Variants in PARD3B observed in about 807,000 individuals in gnomAD.
PARD3B encodes par-3 family cell polarity regulator beta, also known as partitioning defective 3 homolog B.
A neutral mutation model predicts 130.2 loss-of-function variants in PARD3B; 103 were observed. The observed-to-expected ratio is 0.79, with a 90% CI of 0.67 to 0.93. The LOEUF is 0.93. Among genes scored for constraint, PARD3B ranks in the 40% least tolerant of loss-of-function variants. The pLI is 0.00. For synonymous variants in PARD3B, 583 were observed against 553.2 expected, an observed-to-expected ratio of 1.05 and a Z score of -0.76; for missense variants, 1,609 against 1,499.2, an observed-to-expected ratio of 1.07 and a Z score of -1.21.
chr2:205,005,255 T>A (rs967931943), intron 3 of PARD3B, among the ~76,000 whole-genome samples: 1 of 151,466 alleles, frequency 6.6e-6, no homozygotes, highest in Non-Finnish European at 1.5e-5. Flanking sequence ...CAAGAGAAAA[T>A]AATATAAGTG....
intron 2 of PARD3B, among the ~76,000 whole-genome samples, chr2:204,852,742 TTTTAAGTG>T (rs1451010086): frequency 1.3e-5 from 2 of 152,174 alleles, no homozygotes; most frequent in Non-Finnish European, 2.9e-5. Flanking sequence ...AATTATTCCA[TTTTAAGTG>T]CTAACTTATT....
chr2:204,683,956 T>C (rs2036958380), intron 1 of PARD3B, among the ~76,000 whole-genome samples: 1 of 152,212 alleles, frequency 6.6e-6, no homozygotes, highest in African/African-American at 2.4e-5. Context: ...TTTTCCACAA[T>C]GTCTTGGATC....
chr2:204,735,067 A>C (rs1454850823), intron 2 of PARD3B, among the ~76,000 whole-genome samples: 1 of 145,488 alleles, frequency 6.9e-6, no homozygotes, highest in African/African-American at 2.8e-5. Context: ...CATTTTTAAA[A>C]TCGTTACAGT....
At chr2:205,353,633 GA>G (rs780760737) in intron 18 of PARD3B, among the ~76,000 whole-genome samples, 1 of 152,166 alleles carries the variant, frequency 6.6e-6, no homozygotes, top group South Asian at 2.1e-4. Context: ...TGATATGACT[GA>G]AACCTTTTGT....
At chr2:205,046,982 G>T (rs1698830287) in intron 3 of PARD3B, among the ~76,000 whole-genome samples, 1 of 152,174 alleles carries the variant, frequency 6.6e-6, no homozygotes, top group African/African-American at 2.4e-5. Flanking sequence ...AAATTAAAAA[G>T]AAATCAGGAT....
chr2:204,902,528 G>A (rs566905725), intron 2 of PARD3B, among the ~76,000 whole-genome samples: 1 of 152,006 alleles, frequency 6.6e-6, no homozygotes, highest in Admixed American at 6.6e-5. Context: ...CATTAGCCGG[G>A]CGTGGTGGCG....
intron 1 of PARD3B, among the ~76,000 whole-genome samples, chr2:204,621,628 T>C (rs1045520821): frequency 1.3e-5 from 2 of 152,224 alleles, no homozygotes; most frequent in Non-Finnish European, 1.5e-5. Context: ...TATTTAACTT[T>C]GTAGCTTTAT....
intron 2 of PARD3B, among the ~76,000 whole-genome samples, chr2:204,701,342 G>A (rs1192755540): frequency 6.6e-6 from 1 of 152,122 alleles, no homozygotes; most frequent in Non-Finnish European, 1.5e-5. Context: ...TATAAATACA[G>A]CATAGAATTC....
At chr2:205,026,586 A>G (rs568166392) in intron 3 of PARD3B, among the ~76,000 whole-genome samples, 2 of 152,090 alleles carry the variant, frequency 1.3e-5, no homozygotes, top group Non-Finnish European at 1.5e-5. Flanking sequence ...TAAACAACAC[A>G]GTATTATTAA....
intron 2 of PARD3B, among the ~76,000 whole-genome samples, chr2:204,961,702 T>C (rs1429201596): frequency 1.3e-5 from 2 of 152,126 alleles, no homozygotes; most frequent in African/African-American, 2.4e-5. Flanking sequence ...GAAAACTTGA[T>C]GGGGGCCCAG....
intron 20 of PARD3B, among the ~76,000 whole-genome samples, chr2:205,498,126 G>A (rs1413870124): frequency 6.6e-6 from 1 of 150,996 alleles, no homozygotes; most frequent in Non-Finnish European, 1.5e-5. Context: ...CTTGAACGCA[G>A]GAGGCAGAGG....
Position 205,605,316 on chromosome 2 carries a change from T to TTTG in PARD3B, c.3261-10127_3261-10125dup, listed in dbSNP as rs1368856384. On this transcript the variant is annotated intron_variant, in intron 22 of 22. Transcript: ENST00000406610. ...TGGCTTTTTAAGTTTTCATCGTCTT[T>TTTG]TTGTTGTTGTTGTTGATTCTCATCT... 9.2e-5 allele frequency among the ~76,000 whole-genome samples: 14 copies of TTTG among 152,260 alleles called. No homozygotes were observed. In the South Asian group the frequency reaches 2.1e-3, roughly 23 times the overall value.
chr2:204,885,013 CA>C (rs2046220694), intron 2 of PARD3B, among the ~76,000 whole-genome samples: 2 of 152,158 alleles, frequency 1.3e-5, no homozygotes, highest in Admixed American at 1.3e-4. Flanking sequence ...ATTGCTGGGT[CA>C]AATGATATTT....
chr2:205,114,153 T>C (rs1009956188), intron 6 of PARD3B, among the ~76,000 whole-genome samples: 5 of 152,170 alleles, frequency 3.3e-5, no homozygotes, highest in Admixed American at 2.6e-4. Flanking sequence ...TAATACATTA[T>C]GTTGCTAAAT....
rs1470665957 is a variant in PARD3B, at chr2:205,460,257, C to A, written c.3044+19585C>A. On this transcript the variant is annotated intron_variant, in intron 20 of 22. Transcript: ENST00000406610. This position sits in a 1 kb window ranked among gnomAD's most constrained non-coding sequence, Gnocchi z 4.9. ...TTGAGGATATGCAGTTCGTAAATTT[C>A]CTACTGGGTCATTTTTTTTCTGAGA... Among the ~76,000 whole-genome samples the A allele has an allele frequency of 3.3e-5, 5 of 152,114 alleles. No individual in the cohort carries two copies. Among genetic ancestry groups the A allele is most frequent in the African/African-American group, 1.2e-4 (5 of 41,424 alleles).
intron 10 of PARD3B, among the ~76,000 whole-genome samples, chr2:205,137,501 G>T (rs755672146): frequency 6.6e-6 from 1 of 152,126 alleles, no homozygotes. Context: ...ATTTAAAATC[G>T]AACTAATGCC....
intron 2 of PARD3B, among the ~76,000 whole-genome samples, chr2:204,815,276 A>T (rs887799886): frequency 6.6e-6 from 1 of 151,976 alleles, no homozygotes; most frequent in African/African-American, 2.4e-5. Flanking sequence ...CTTTCAATAA[A>T]TATTTGCACT....
chr2:204,751,202 T>G (rs2040453167), intron 2 of PARD3B, among the ~76,000 whole-genome samples: 1 of 152,126 alleles, frequency 6.6e-6, no homozygotes, highest in Admixed American at 6.5e-5. Flanking sequence ...CCTCAGCTAA[T>G]CAACGTTGCA....
chr2:205,263,263 A>G lies in PARD3B; in HGVS notation c.2185+17441A>G, dbSNP rs972736015. Among the ~76,000 whole-genome samples, 1 of 151,982 alleles carries G rather than the reference A, an allele frequency of 6.6e-6. No individual in the cohort carries two copies. The highest frequency in any genetic ancestry group is 6.6e-5 in the Admixed American group (1 of 15,230). ...CTTGATTGGCTCCTTCCTTTAATCC[A>G]AGGAGAATTAATCAAGGTGACAAAG... On this transcript the variant is annotated intron_variant, in intron 16 of 22. Coordinates refer to ENST00000406610, the MANE Select transcript of PARD3B (RefSeq NM_001302769.2). This position sits in a 1 kb window ranked among gnomAD's most constrained non-coding sequence, Gnocchi z 4.0.
Sources: allele counts gnomAD v4.1 joint callset (sites outside exome capture counted in the v4.1 genomes callset), GRCh38; gene constraint gnomAD v4.1.1; non-coding constraint Gnocchi (gnomAD v3.1); transcripts MANE v1.5; gene names NCBI Gene and HGNC (gene_info 2026-07-23, HGNC 2026-07-21).